TAFA4: variants seen among roughly 807,000 people sequenced by gnomAD.
The protein encoded by TAFA4 is TAFA chemokine like family member 4, also known as chemokine-like protein TAFA-4.
A neutral mutation model predicts 21.1 loss-of-function variants in TAFA4; 20 were observed. The ratio of observed to expected loss-of-function variants is 0.95; its 90% CI spans 0.67 to 1.38. The LOEUF (loss-of-function observed/expected upper bound fraction) is 1.38, where lower values mean the gene tolerates loss of function less well. Among genes scored for constraint, TAFA4 ranks in the 40% most tolerant of loss-of-function variants. The pLI is 0.00. For synonymous variants in TAFA4, 71 were observed against 67.4 expected (o/e 1.05, Z -0.26); for missense variants, 211 against 180.9 (o/e 1.17, Z -0.95).
At chr3:68,882,410 T>A (rs1198631722) in intron 2 of TAFA4, among the ~76,000 whole-genome samples, 1 of 151,902 alleles carries the variant, frequency 6.6e-6, no homozygotes, top group Non-Finnish European at 1.5e-5. Flanking sequence ...TCTTGAAAAA[T>A]TATTCCTGGC....
chr3:68,756,972 G>T (rs1052765396), intron 3 of TAFA4, among the ~76,000 whole-genome samples: 3 of 152,144 alleles, frequency 2.0e-5, no homozygotes, highest in African/African-American at 7.2e-5. Flanking sequence ...GCAACTTTCA[G>T]TCAAACATTC....
intron 1 of TAFA4, among the ~76,000 whole-genome samples, chr3:68,920,329 C>T (rs1036050125): frequency 1.3e-5 from 2 of 152,178 alleles, no homozygotes; most frequent in Non-Finnish European, 2.9e-5. Context: ...ACATAACTAA[C>T]ATAAATAGCA....
intron 3 of TAFA4, among the ~76,000 whole-genome samples, chr3:68,784,731 T>C (rs1703217567): frequency 6.6e-6 from 1 of 152,160 alleles, no homozygotes; most frequent in African/African-American, 2.4e-5. Context: ...GGCAGCCTGT[T>C]TTTATTCTCT....
chr3:68,795,277 A>C (rs568698598), intron 3 of TAFA4, among the ~76,000 whole-genome samples: 1 of 151,328 alleles, frequency 6.6e-6, no homozygotes, highest in Non-Finnish European at 1.5e-5. Flanking sequence ...GACAATTGTT[A>C]GTTTGGGGCC....
At chr3:68,767,031 G>T (rs1407799605) in intron 3 of TAFA4, among the ~76,000 whole-genome samples, 1 of 152,012 alleles carries the variant, frequency 6.6e-6, no homozygotes, top group Non-Finnish European at 1.5e-5. Context: ...ATCAGATCCT[G>T]CCTAAAAACG....
chr3:68,846,611 A>G (rs1704805109), intron 3 of TAFA4, among the ~76,000 whole-genome samples: 1 of 151,990 alleles, frequency 6.6e-6, no homozygotes, highest in Non-Finnish European at 1.5e-5. Context: ...TGGTTTTTGG[A>G]ATTTTCAGCC....
intron 1 of TAFA4, among the ~76,000 whole-genome samples, chr3:68,890,647 G>C (rs938788435): frequency 2.6e-5 from 4 of 152,210 alleles, no homozygotes; most frequent in Non-Finnish European, 5.9e-5. Flanking sequence ...AGCTCACTTA[G>C]CTAGTAAGTG....
At chr3:68,767,664 A>T (rs995890845) in intron 3 of TAFA4, among the ~76,000 whole-genome samples, 3 of 152,024 alleles carry the variant, frequency 2.0e-5, no homozygotes, top group Non-Finnish European at 4.4e-5. Context: ...TAATTTTTCA[A>T]ATATATACCA....
chr3:68,871,931 G>A (rs2089487335), intron 3 of TAFA4, among the ~76,000 whole-genome samples: 2 of 152,052 alleles, frequency 1.3e-5, no homozygotes, highest in Non-Finnish European at 2.9e-5. Flanking sequence ...GGAGAAAGGA[G>A]AACACTCATA....
chr3:68,835,901 A>G (rs562714145), intron 3 of TAFA4, among the ~76,000 whole-genome samples: 2 of 152,304 alleles, frequency 1.3e-5, no homozygotes, highest in East Asian at 3.9e-4. Context: ...TCATCTTCAC[A>G]TATCCCTCTT....
At chr3:68,929,756 T>C (rs533292714) in intron 1 of TAFA4, among the ~76,000 whole-genome samples, 1 of 152,370 alleles carries the variant, frequency 6.6e-6, no homozygotes, top group Non-Finnish European at 1.5e-5. Context: ...AATGTTATTA[T>C]TAAGCTAAGC....
chr3:68,928,281 A>C (rs1351169130), intron 1 of TAFA4, among the ~76,000 whole-genome samples: 2 of 152,250 alleles, frequency 1.3e-5, no homozygotes, highest in Non-Finnish European at 2.9e-5. Flanking sequence ...TACAGCTGGC[A>C]CATACTGAGT....
intron 3 of TAFA4, among the ~76,000 whole-genome samples, chr3:68,794,288 A>T (rs1035549766): frequency 7.2e-5 from 11 of 152,132 alleles, no homozygotes; most frequent in African/African-American, 2.7e-4. Context: ...AATCATTAAC[A>T]TGGGGAGGTT....
rs1031549827 is a variant in TAFA4 at position 68,837,947 on chromosome 3, T to A, written c.130+42783A>T. Among the ~76,000 whole-genome samples, 5 of 152,168 alleles carry A rather than the reference T, an allele frequency of 3.3e-5. No homozygotes were observed. In the South Asian group the frequency reaches 8.3e-4, roughly 25 times the overall value. On this transcript the variant is annotated intron_variant, in intron 3 of 5. Coordinates refer to ENST00000295569, the MANE Select transcript of TAFA4 (RefSeq NM_182522.5). ...ACAACATTATGTTTTGAAAAATGTA[T>A]ACATCGTGGAATCTCTAAATCAAGC...
At chr3:68,928,297 A>G (rs2090128336) in intron 1 of TAFA4, among the ~76,000 whole-genome samples, 1 of 152,232 alleles carries the variant, frequency 6.6e-6, no homozygotes, top group Non-Finnish European at 1.5e-5. Flanking sequence ...TGAGTGTTCA[A>G]CAAATGTGGG....
At chr3:68,812,384 T>A (rs1394995291) in intron 3 of TAFA4, among the ~76,000 whole-genome samples, 1 of 152,140 alleles carries the variant, frequency 6.6e-6, no homozygotes, top group Non-Finnish European at 1.5e-5. Context: ...ACTGGCAAAT[T>A]GGATCAAGAG....
At chr3:68,830,549 GAGAC>G (rs1704358755) in intron 3 of TAFA4, among the ~76,000 whole-genome samples, 1 of 152,196 alleles carries the variant, frequency 6.6e-6, no homozygotes, top group East Asian at 1.9e-4. Flanking sequence ...TGTGGTCTGA[GAGAC>G]AGTTTGTTGT....
At chr3:68,747,870 A>G (rs1409647625) in intron 4 of TAFA4, among the ~76,000 whole-genome samples, 4 of 152,176 alleles carry the variant, frequency 2.6e-5, no homozygotes, top group Admixed American at 2.6e-4. Context: ...ACTTATTCTA[A>G]GGCCTCTCAC....
intron 3 of TAFA4, among the ~76,000 whole-genome samples, chr3:68,872,938 A>AT (rs755231099): frequency 2.2e-4 from 34 of 152,114 alleles, no homozygotes; most frequent in Admixed American, 4.6e-4. Context: ...GCACTTGACG[A>AT]TTTTTTAAGA....
Sources: gnomAD v4.1 joint callset for allele counts (sites outside exome capture counted in the v4.1 genomes callset) on GRCh38, gnomAD v4.1.1 for gene constraint, MANE v1.5 for transcripts, NCBI Gene and HGNC (gene_info 2026-07-23, HGNC 2026-07-21) for gene names.